Variants in ZNFX1 observed in about 807,000 individuals in gnomAD.
The protein encoded by ZNFX1 is NFX1-type zinc finger-containing protein 1.
A neutral mutation model predicts 179.8 loss-of-function variants in ZNFX1; 78 were observed. That is an observed-to-expected ratio of 0.43 (90% CI 0.36 to 0.52). The LOEUF is 0.52. Ranked by LOEUF, ZNFX1 falls within the 20% of genes least tolerant of loss-of-function variation. The probability of loss-of-function intolerance (pLI) is 0.00; values close to 1 mark genes in which losing one functional copy is unlikely to be tolerated. For missense variants in ZNFX1, 1,927 were observed against 2,386.6 expected, an observed-to-expected ratio of 0.81 and a Z score of 4.01; for synonymous variants, 848 against 868.5, an observed-to-expected ratio of 0.98 and a Z score of 0.42.
Position 49,247,128 on chromosome 20 carries a change from A to G in ZNFX1, c.*139T>C. 1 of 1,220,078 alleles carries G rather than the reference A, an allele frequency of 8.2e-7. No individual in the cohort carries two copies. Among genetic ancestry groups the G allele is most frequent in the Non-Finnish European group, 1.1e-6 (1 of 886,766 alleles). The allele number at this position is 1,220,078 out of a possible 1,614,324, so 75.6% of individuals were successfully genotyped here. ...GTGATCCGCCTGCCTCGGCCTCCCA[A>G]AGTGCTGGGATTACAGGCGTAAGCC... On this transcript the variant is annotated 3_prime_UTR_variant, in exon 14 of 14. Transcript: ENST00000396105.
chr20:49,246,870 T>G lies in ZNFX1; in HGVS notation c.*397A>C. On this transcript the variant is annotated 3_prime_UTR_variant, in exon 14 of 14. Coordinates refer to ENST00000396105, the MANE Select transcript of ZNFX1 (RefSeq NM_021035.3). ...AAGTAGGTGCTAAGACTAAAAAGAA[T>G]GATTTTTTTTTTTTTGAGACAGAGT... The G allele has an allele frequency of 5.4e-6, 2 of 367,608 alleles. No homozygotes were observed. The highest frequency in any genetic ancestry group is 1.6e-5 in the South Asian group (1 of 61,766). The allele number at this position is 367,608 out of a possible 1,614,324, so 22.8% of individuals were successfully genotyped here.
intron 6 of ZNFX1, among the ~76,000 whole-genome samples, chr20:49,260,807 G>A (rs779923899): frequency 2.0e-5 from 3 of 152,178 alleles, no homozygotes; most frequent in African/African-American, 2.4e-5. Context: ...AAGACTGGGC[G>A]TGGTGGCTTG....
intron 1 of ZNFX1, among the ~76,000 whole-genome samples, chr20:49,276,335 G>T (rs1233241336): frequency 2.0e-5 from 3 of 152,156 alleles, no homozygotes. Flanking sequence ...TTACATATCT[G>T]CCACTTATAT....
chr20:49,259,198 G>C (rs1981055926), intron 7 of ZNFX1, among the ~76,000 whole-genome samples: 1 of 151,022 alleles, frequency 6.6e-6, no homozygotes, highest in African/African-American at 2.4e-5. Context: ...ATATACAATG[G>C]AGGGCATACA....
At chr20:49,264,091 G>A (rs571483173) in intron 5 of ZNFX1, among the ~76,000 whole-genome samples, 1 of 152,222 alleles carries the variant, frequency 6.6e-6, no homozygotes, top group African/African-American at 2.4e-5. Flanking sequence ...GTGTGATGGC[G>A]GGCGCCTGTA....
intron 7 of ZNFX1, among the ~76,000 whole-genome samples, chr20:49,259,232 T>A (rs1981056876): frequency 6.6e-6 from 1 of 151,962 alleles, no homozygotes; most frequent in Middle Eastern, 3.4e-3. Context: ...ATATAAAGGA[T>A]AATAAAAATA....
At chr20:49,261,226 T>C (rs1225869603) in intron 6 of ZNFX1, among the ~76,000 whole-genome samples, 1 of 151,990 alleles carries the variant, frequency 6.6e-6, no homozygotes, top group Non-Finnish European at 1.5e-5. Context: ...AGACCCTATC[T>C]CAAAAGAAAA....
At chr20:49,277,834 G>A (rs1422731996) in intron 1 of ZNFX1, 187 bp downstream of exon 1, 1 of 143,934 alleles carries the variant, frequency 6.9e-6, no homozygotes, top group Non-Finnish European at 1.5e-5. Flanking sequence ...GGGTGATGGG[G>A]GTCTGGGGAT....
At chr20:49,266,101 CT>C (rs1981227161) in intron 4 of ZNFX1, 33 bp downstream of exon 4, 1 of 1,600,030 alleles carries the variant, frequency 6.2e-7, no homozygotes, top group Admixed American at 1.8e-5. Context: ...TCATCAACAT[CT>C]TGATAGAGAA....
chr20:49,263,154 G>A (rs1981154421), intron 6 of ZNFX1, among the ~76,000 whole-genome samples, 180 bp downstream of exon 6: 1 of 152,178 alleles, frequency 6.6e-6, no homozygotes, highest in African/African-American at 2.4e-5. Flanking sequence ...CCAACAGGCT[G>A]GTTCGAGTTT....
chr20:49,250,482 ATTTAT>A (rs1980808036), intron 13 of ZNFX1, among the ~76,000 whole-genome samples: 1 of 152,064 alleles, frequency 6.6e-6, no homozygotes, highest in African/African-American at 2.4e-5. Flanking sequence ...GAATTTATTT[ATTTAT>A]TTTAAAAAAA....
At chr20:49,254,777 T>A in intron 9 of ZNFX1, 128 bp from the exon 10 acceptor site, 1 of 1,068,616 alleles carries the variant, frequency 9.4e-7, no homozygotes, top group Non-Finnish European at 1.3e-6. Context: ...AACAGAGAGA[T>A]ACATTCAGGG....
Position 49,249,178 on chromosome 20 carries a change from T to C in ZNFX1, c.3846A>G (p.Lys1282=). 6.2e-7 allele frequency: 1 copy of C among 1,614,212 alleles called. No individual in the cohort carries two copies. The highest frequency in any genetic ancestry group is 8.5e-7 in the Non-Finnish European group (1 of 1,180,038). ...GCAGGCTGCAGCCTCCTTCGGGTAC[T>C]TTTTGGAAGTCAGAAGCTTTGGATA... ...TLVSKASDFQ[K]VPEGGCSLPC... Residue 1282 remains lysine, a synonymous_variant, in exon 14 of 14, where the codon AAA becomes AAG. Coordinates refer to ENST00000396105, the MANE Select transcript of ZNFX1 (RefSeq NM_021035.3).
Position 49,247,958 on chromosome 20 carries a change from A to G in ZNFX1, c.5066T>C (p.Leu1689Pro). Residue 1689 changes from leucine (L) to proline (P), a missense_variant, in exon 14 of 14, where the codon CTG becomes CCG. Coordinates refer to ENST00000396105, the MANE Select transcript of ZNFX1 (RefSeq NM_021035.3). ...PEDFLMLKEK[L>P]AQKNLSVKDL... ...CTTCACTGACAGATTTTTCTGGGCC[A>G]GCTTCTCCTTTAACATCAGGAAGTC... The G allele has an allele frequency of 6.2e-7, 1 of 1,613,768 alleles. No homozygotes were observed. The highest frequency in any genetic ancestry group is 8.5e-7 in the Non-Finnish European group (1 of 1,179,906).
At position 49,247,684 on chromosome 20, in the gene ZNFX1, C is replaced by G; in HGVS notation, c.5340G>C (p.Val1780=). 1 of 1,614,220 alleles carries G rather than the reference C, an allele frequency of 6.2e-7. No individual in the cohort carries two copies. Among genetic ancestry groups the G allele is most frequent in the Non-Finnish European group, 8.5e-7 (1 of 1,180,040 alleles). Residue 1780 remains valine, a synonymous_variant, in exon 14 of 14, where the codon GTG becomes GTC. Transcript: ENST00000396105. ...AGACCTCTACTGCTATGCTATCTTT[C>G]ACCTTCTTCTCTGCTATCTTGTAGC... ...LTRYKIAEKK[V]KDSIAVEVYS...
intron 3 of ZNFX1, among the ~76,000 whole-genome samples, chr20:49,268,481 A>C (rs1322450135): frequency 6.6e-6 from 1 of 152,166 alleles, no homozygotes; most frequent in Non-Finnish European, 1.5e-5. Flanking sequence ...AATGTTATTA[A>C]CTAAACATTC....
Position 49,251,625 on chromosome 20 carries a change from GA to G in ZNFX1, c.3217-4del. 6.2e-7 allele frequency: 1 copy of G among 1,604,434 alleles called. No homozygotes were observed. ...GCAATTTCAGGGCACATACGGTGCT[GA>G]AAAAACACATGCATGTCATTAGAAA... On this transcript the variant is annotated splice_region_variant and splice_polypyrimidine_tract_variant and intron_variant, in intron 12 of 13. Coordinates refer to ENST00000396105, the MANE Select transcript of ZNFX1 (RefSeq NM_021035.3).
In ZNFX1 at chr20:49,266,166, A is replaced by G. The variant is rs187532953; in HGVS notation, c.1971T>C (p.Tyr657=). The G allele has an allele frequency of 3.1e-6, 5 of 1,613,338 alleles. No individual in the cohort carries two copies. The South Asian group carries it at 4.4e-5, about 14-fold the overall frequency. The change falls in exon 4 of 14, where the codon TAT becomes TAC. Residue 657 remains tyrosine, a synonymous_variant. Transcript: ENST00000396105. The stretch of plus-strand genomic sequence containing the variant: ...GAAACTGGTCCAAAGCATGATTAGT[A>G]TAACACACAACCAAGATGGGGAACT... ...LQKFPILVVC[Y]TNHALDQFLE...
chr20:49,248,344 C>T lies in ZNFX1; in HGVS notation c.4680G>A (p.Lys1560=). 1.2e-6 allele frequency: 2 copies of T among 1,613,980 alleles called. No homozygotes were observed. The highest frequency in any genetic ancestry group is 1.7e-4 in the Middle Eastern group (1 of 6,060). The part of the protein sequence containing the change: ...CIGLCGEPCP[K]KCRICHMDEV... The stretch of plus-strand genomic sequence containing the variant: ...CATCCATGTGGCAGATCCGGCATTT[C>T]TTGGGGCATGGCTCCCCACAGAGAC... The change falls in exon 14 of 14, where the codon AAG becomes AAA. Residue 1560 remains lysine, a synonymous_variant. Transcript: ENST00000396105. This position sits in a 1 kb window ranked among gnomAD's most constrained non-coding sequence, Gnocchi z 4.6.
Sources: gnomAD v4.1 joint callset for allele counts (sites outside exome capture counted in the v4.1 genomes callset) on GRCh38, gnomAD v4.1.1 for gene constraint, Gnocchi (gnomAD v3.1) non-coding constraint, MANE v1.5 for transcripts, NCBI Gene and HGNC (gene_info 2026-07-23, HGNC 2026-07-21) for gene names.